The following JAK2 variants were observed in gnomAD, a reference collection of about 807,000 sequenced individuals.
The protein encoded by JAK2 is tyrosine-protein kinase JAK2.
Under a neutral mutation model 139.3 loss-of-function variants are expected in JAK2, and 86 were observed. The observed-to-expected ratio is 0.62, with a 90% CI of 0.52 to 0.74. JAK2 has a LOEUF of 0.74. Among genes scored for constraint, JAK2 ranks in the 30% least tolerant of loss-of-function variants. JAK2 has a pLI of 0.00. For missense variants in JAK2, 1,421 were observed against 1,360.3 expected (o/e 1.04, Z -0.70); for synonymous variants, 490 against 437.7 (o/e 1.12, Z -1.49).
At chr9:5,119,284 G>C (rs1823437004) in intron 22 of JAK2, among the ~76,000 whole-genome samples, 1 of 151,994 alleles carries the variant, frequency 6.6e-6, no homozygotes, top group Non-Finnish European at 1.5e-5. Context: ...AGAAACAAAT[G>C]ACAGAACAAA....
chr9:5,028,632 T>C (rs1017462598), intron 3 of JAK2, among the ~76,000 whole-genome samples: 16 of 152,238 alleles, frequency 1.1e-4, no homozygotes, highest in Non-Finnish European at 1.6e-4. Flanking sequence ...TGAAAATCTA[T>C]TGTTTATCAG....
intron 2 of JAK2, among the ~76,000 whole-genome samples, chr9:5,019,566 A>G (rs1822281864): frequency 6.6e-6 from 1 of 152,100 alleles, no homozygotes; most frequent in Non-Finnish European, 1.5e-5. Context: ...TTGGTAGAAA[A>G]TTATTTTGAT....
At chr9:5,094,147 A>G (rs1787769142) in intron 22 of JAK2, 2 of 152,266 alleles carry the variant, frequency 1.3e-5, no homozygotes, top group East Asian at 1.9e-4. Context: ...TCTAATTGCT[A>G]TAGCATTCCT....
chr9:5,066,827 T>C, intron 10 of JAK2, 38 bp downstream of exon 10: 1 of 876,762 alleles, frequency 1.1e-6, no homozygotes. Context: ...ACACTTTATT[T>C]AGTTCATTTA....
intron 15 of JAK2, among the ~76,000 whole-genome samples, chr9:5,077,910 A>G (rs1238574304): frequency 6.6e-6 from 1 of 152,190 alleles, no homozygotes; most frequent in Non-Finnish European, 1.5e-5. Context: ...ATTATGGTCC[A>G]TGAGAAAGCG....
At chr9:5,011,632 G>A (rs1476374281) in intron 2 of JAK2, among the ~76,000 whole-genome samples, 1 of 151,980 alleles carries the variant, frequency 6.6e-6, no homozygotes, top group East Asian at 1.9e-4. Flanking sequence ...TCTGCTTTGG[G>A]TCCATTTCTA....
intron 22 of JAK2, among the ~76,000 whole-genome samples, chr9:5,106,651 A>C (rs1215318128): frequency 1.3e-5 from 2 of 152,252 alleles, no homozygotes; most frequent in Non-Finnish European, 2.9e-5. Flanking sequence ...GAACCAACCC[A>C]AATGCCCATC....
At chr9:5,010,316 C>T (rs997234215) in intron 2 of JAK2, among the ~76,000 whole-genome samples, 1 of 151,816 alleles carries the variant, frequency 6.6e-6, no homozygotes, top group African/African-American at 2.4e-5. Flanking sequence ...ATGCTTTAAA[C>T]AATTGTCAGT....
chr9:5,105,449 T>C (rs1821875124), intron 22 of JAK2, among the ~76,000 whole-genome samples: 1 of 152,180 alleles, frequency 6.6e-6, no homozygotes, highest in Admixed American at 6.5e-5. Flanking sequence ...TCCATGCTCA[T>C]GGATAGGAAG....
At chr9:5,024,041 G>A (rs1822612918) in intron 3 of JAK2, among the ~76,000 whole-genome samples, 1 of 152,162 alleles carries the variant, frequency 6.6e-6, no homozygotes, top group Admixed American at 6.5e-5. Context: ...CAGATCACAA[G>A]ATCAGGAGAT....
chr9:5,036,084 A>G (rs1474684873), intron 4 of JAK2, among the ~76,000 whole-genome samples: 4 of 152,240 alleles, frequency 2.6e-5, no homozygotes, highest in Non-Finnish European at 5.9e-5. Context: ...TTACCCACCA[A>G]TAACAGACAA....
intron 4 of JAK2, chr9:5,041,766 C>A: frequency 4.1e-6 from 2 of 489,084 alleles, no homozygotes; most frequent in Admixed American, 4.6e-5. Context: ...CCACACCGAC[C>A]TGCCCTCCCA....
chr9:5,046,512 G>A (rs1371236319), intron 5 of JAK2, among the ~76,000 whole-genome samples: 2 of 151,982 alleles, frequency 1.3e-5, no homozygotes, highest in South Asian at 2.1e-4. Context: ...CTGTTTTCTT[G>A]TAAGAGTTTT....
intron 4 of JAK2, among the ~76,000 whole-genome samples, chr9:5,043,433 C>T (rs901459647): frequency 3.3e-5 from 5 of 152,066 alleles, no homozygotes; most frequent in Non-Finnish European, 7.4e-5. Flanking sequence ...TGGCAAAAAT[C>T]AGAAAGACAA....
At chr9:5,077,398 T>C in intron 14 of JAK2, 55 bp from the exon 15 acceptor site, 1 of 586,704 alleles carries the variant, frequency 1.7e-6, no homozygotes. Flanking sequence ...AAATTACATA[T>C]ATTTAATTAT....
chr9:4,991,021 G>C lies in JAK2; in HGVS notation c.-26+4999G>C, dbSNP rs567184245. Among the ~76,000 whole-genome samples the C allele has an allele frequency of 5.3e-5, 8 of 152,282 alleles. No individual in the cohort carries two copies. In the South Asian group the frequency reaches 1.2e-3, roughly 24 times the overall value. Reference sequence around the variant, plus strand: ...TATTCTTCCTGTGTGCATTGGTTCTGTGTTTTTTTCTGAATGATAGAAGGT... The same window carrying C: ...TATTCTTCCTGTGTGCATTGGTTCTCTGTTTTTTTCTGAATGATAGAAGGT... On this transcript the variant is annotated intron_variant, in intron 2 of 24. Transcript: ENST00000381652.
At chr9:5,088,830 A>G (rs775598078) in intron 19 of JAK2, among the ~76,000 whole-genome samples, 2 of 152,184 alleles carry the variant, frequency 1.3e-5, no homozygotes, top group Non-Finnish European at 2.9e-5. Flanking sequence ...TTGTCACATT[A>G]GAGTTCCACC....
In JAK2 at chr9:5,120,635, T is replaced by C. The variant is rs10974966; in HGVS notation, c.3060-2369T>C. Among the ~76,000 whole-genome samples the C allele has an allele frequency of 1.4e-4, 21 of 152,242 alleles. 1 individual carries two copies. The highest frequency in any genetic ancestry group is 1.2e-3 in the East Asian group (6 of 5,174). On this transcript the variant is annotated intron_variant, in intron 22 of 24. Transcript: ENST00000381652. The stretch of plus-strand genomic sequence containing the variant: ...ACTCTTTTTACTACAGAAGTACCCA[T>C]TGGATGATCTTTGTACATTATTCTT...
chr9:5,045,193 T>C (rs541406945), intron 5 of JAK2, among the ~76,000 whole-genome samples: 1 of 152,290 alleles, frequency 6.6e-6, no homozygotes, highest in African/African-American at 2.4e-5. Flanking sequence ...GAAGAAAATA[T>C]ATTAGTGCTC....
Sources: allele counts gnomAD v4.1 joint callset (sites outside exome capture counted in the v4.1 genomes callset), GRCh38; gene constraint gnomAD v4.1.1; transcripts MANE v1.5; gene names NCBI Gene and HGNC (gene_info 2026-07-23, HGNC 2026-07-21).